The following CDH9 variants were observed in gnomAD, a reference collection of about 807,000 sequenced individuals.
CDH9 encodes the protein cadherin 9, also known as cadherin-9.
Under a neutral mutation model 70.9 loss-of-function variants are expected in CDH9, and 28 were observed. The observed-to-expected ratio is 0.40, with a 90% CI of 0.29 to 0.54. The LOEUF (loss-of-function observed/expected upper bound fraction) is 0.54, where lower values mean the gene tolerates loss of function less well. Ranked by LOEUF, CDH9 falls within the 20% of genes least tolerant of loss-of-function variation. The pLI is 0.59. For synonymous variants in CDH9, 409 were observed against 343.1 expected, an observed-to-expected ratio of 1.19 and a Z score of -2.12; for missense variants, 874 against 984.4, an observed-to-expected ratio of 0.89 and a Z score of 1.50.
chr5:27,010,942 G>A (rs926864587), intron 1 of CDH9, among the ~76,000 whole-genome samples: 3 of 152,060 alleles, frequency 2.0e-5, no homozygotes, highest in Non-Finnish European at 4.4e-5. Flanking sequence ...AGGAATCTAA[G>A]GAATGGAAAG....
intron 1 of CDH9, among the ~76,000 whole-genome samples, chr5:27,027,025 A>G (rs1743231804): frequency 6.6e-6 from 1 of 151,942 alleles, no homozygotes; most frequent in African/African-American, 2.4e-5. Flanking sequence ...AGATTAAAAA[A>G]CCAAACTCAA....
chr5:26,987,244 G>A (rs1217337411), intron 2 of CDH9, among the ~76,000 whole-genome samples: 3 of 151,696 alleles, frequency 2.0e-5, no homozygotes, highest in African/African-American at 4.8e-5. Flanking sequence ...TCTGTAGACT[G>A]CAAGTATTTA....
intron 3 of CDH9, 147 bp from the exon 4 acceptor site, chr5:26,906,985 G>T (rs1740960364): frequency 3.2e-6 from 4 of 1,251,812 alleles, no homozygotes; most frequent in Non-Finnish European, 3.0e-6. Context: ...CCTCAAAAAA[G>T]TTACTTTCCT....
At chr5:26,920,148 C>T (rs937620015) in intron 2 of CDH9, among the ~76,000 whole-genome samples, 1 of 152,040 alleles carries the variant, frequency 6.6e-6, no homozygotes, top group African/African-American at 2.4e-5. Flanking sequence ...AGGAAGCCCA[C>T]TTCCCTGAAG....
At chr5:26,901,907 A>G (rs879027195) in intron 7 of CDH9, among the ~76,000 whole-genome samples, 1 of 151,948 alleles carries the variant, frequency 6.6e-6, no homozygotes, top group Admixed American at 6.6e-5. Flanking sequence ...ATACTCTGTT[A>G]TGAGAATATA....
chr5:27,002,422 A>G (rs1742786820), intron 1 of CDH9, among the ~76,000 whole-genome samples: 1 of 150,822 alleles, frequency 6.6e-6, no homozygotes, highest in African/African-American at 2.5e-5. Context: ...ATTACTGGGT[A>G]TATACCCAAA....
At chr5:27,037,112 A>G (rs917104446) in intron 1 of CDH9, among the ~76,000 whole-genome samples, 1 of 151,962 alleles carries the variant, frequency 6.6e-6, no homozygotes, top group African/African-American at 2.4e-5. Context: ...TACAAAATTG[A>G]GAATCTTGAA....
chr5:26,967,763 C>A (rs1742153350), intron 2 of CDH9, among the ~76,000 whole-genome samples: 1 of 151,910 alleles, frequency 6.6e-6, no homozygotes, highest in Non-Finnish European at 1.5e-5. Flanking sequence ...TATAGTGGCA[C>A]AACCATAGCT....
chr5:26,927,226 A>C (rs1437629283), intron 2 of CDH9, among the ~76,000 whole-genome samples: 1 of 151,898 alleles, frequency 6.6e-6, no homozygotes, highest in Non-Finnish European at 1.5e-5. Context: ...AAACCCTAAA[A>C]ACGTAGGGAT....
chr5:26,923,128 G>GA (rs534718691), intron 2 of CDH9, among the ~76,000 whole-genome samples: 70 of 135,356 alleles, frequency 5.2e-4, no homozygotes, highest in Non-Finnish European at 8.9e-4. Context: ...TTGAATGGAT[G>GA]AAAAAAAGAA....
intron 1 of CDH9, among the ~76,000 whole-genome samples, chr5:27,035,698 GT>G (rs1743380799): frequency 4.0e-5 from 6 of 150,960 alleles, no homozygotes; most frequent in Admixed American, 6.6e-5. Context: ...GTGTGTGTGT[GT>G]GTGTGTGTGT....
chr5:26,956,834 A>C (rs1561017647), intron 2 of CDH9, among the ~76,000 whole-genome samples: 1 of 151,954 alleles, frequency 6.6e-6, no homozygotes, highest in Non-Finnish European at 1.5e-5. Flanking sequence ...TTAGACTGAC[A>C]CTCCCTTTTC....
intron 2 of CDH9, among the ~76,000 whole-genome samples, chr5:26,964,936 T>C (rs1318804966): frequency 6.6e-6 from 1 of 152,080 alleles, no homozygotes; most frequent in Non-Finnish European, 1.5e-5. Flanking sequence ...CTTTTCTATA[T>C]ACTGTTATAC....
chr5:26,962,831 G>T (rs1481951085), intron 2 of CDH9, among the ~76,000 whole-genome samples: 1 of 151,914 alleles, frequency 6.6e-6, no homozygotes, highest in Admixed American at 6.6e-5. Context: ...TAAAAATAAC[G>T]TTTCTCATTT....
At chr5:26,963,726 G>T (rs61410637) in intron 2 of CDH9, among the ~76,000 whole-genome samples, 1 of 151,984 alleles carries the variant, frequency 6.6e-6, no homozygotes, top group East Asian at 1.9e-4. Flanking sequence ...TATGCCTTTG[G>T]CCTTCTTTAA....
rs539821839 is a variant in CDH9, at chr5:26,889,480, T to C, written c.1512+356A>G. On this transcript the variant is annotated intron_variant, in intron 9 of 11. Coordinates refer to ENST00000231021, the MANE Select transcript of CDH9 (RefSeq NM_016279.4). Reference sequence around the variant, plus strand: ...ATAACATGAAACAATTTCATTTTCATACTTCAGGTTTTATTTAATGATATA... The same window carrying C: ...ATAACATGAAACAATTTCATTTTCACACTTCAGGTTTTATTTAATGATATA... 3.9e-5 allele frequency among the ~76,000 whole-genome samples: 6 copies of C among 152,270 alleles called. No individual in the cohort carries two copies. The South Asian group carries it at 1.2e-3, about 32-fold the overall frequency.
intron 3 of CDH9, among the ~76,000 whole-genome samples, chr5:26,911,995 T>C (rs1049158747): frequency 6.6e-5 from 10 of 151,724 alleles, no homozygotes; most frequent in Non-Finnish European, 1.3e-4. Flanking sequence ...TAAAAATGAA[T>C]GGAAATAAGG....
chr5:26,958,131 T>G (rs1217733391), intron 2 of CDH9, among the ~76,000 whole-genome samples: 2 of 151,850 alleles, frequency 1.3e-5, no homozygotes, highest in African/African-American at 4.8e-5. Context: ...AATACTTGAG[T>G]GAGGAATGGA....
At chr5:26,943,178 T>G (rs1741691332) in intron 2 of CDH9, among the ~76,000 whole-genome samples, 2 of 152,054 alleles carry the variant, frequency 1.3e-5, no homozygotes, top group African/African-American at 4.8e-5. Context: ...ACTCTCCTCA[T>G]AGACACCTCA....
Sources: gnomAD v4.1 joint callset for allele counts (sites outside exome capture counted in the v4.1 genomes callset) on GRCh38, gnomAD v4.1.1 for gene constraint, MANE v1.5 for transcripts, NCBI Gene and HGNC (gene_info 2026-07-23, HGNC 2026-07-21) for gene names.